Variants in LINGO2 observed in about 807,000 individuals in gnomAD.
LINGO2 encodes the protein leucine-rich repeat and immunoglobulin-like domain-containing nogo receptor-interacting protein 2.
Under a neutral mutation model 30.6 loss-of-function variants are expected in LINGO2, and 14 were observed. That is an observed-to-expected ratio of 0.46 (90% CI 0.30 to 0.72). The LOEUF is 0.72. LINGO2 is among the 30% of genes least tolerant of loss of function. The probability of loss-of-function intolerance (pLI) is 0.07; values close to 1 mark genes in which losing one functional copy is unlikely to be tolerated. For missense variants in LINGO2, 729 were observed against 751.7 expected (o/e 0.97, Z 0.35); for synonymous variants, 317 against 288.5 (o/e 1.10, Z -1.00).
At chr9:28,634,326 G>T (rs1827147629) in intron 1 of LINGO2, among the ~76,000 whole-genome samples, 1 of 151,894 alleles carries the variant, frequency 6.6e-6, no homozygotes, top group South Asian at 2.1e-4. Flanking sequence ...ACTATAAGTT[G>T]CATAAGTTCT....
chr9:29,125,178 CAT>C, the LINGO2 span, among the ~76,000 whole-genome samples: 1 of 152,116 alleles, frequency 6.6e-6, no homozygotes, highest in African/African-American at 2.4e-5. Flanking sequence ...CCAAACACCA[CAT>C]GTTCTCACTC....
At chr9:28,702,176 G>A in the LINGO2 span, among the ~76,000 whole-genome samples, 17 of 151,884 alleles carry the variant, frequency 1.1e-4, no homozygotes, top group Admixed American at 1.1e-3. Flanking sequence ...GGAGCAGTGA[G>A]TGGGAATATC....
the LINGO2 span, among the ~76,000 whole-genome samples, chr9:29,011,373 G>C: frequency 6.8e-6 from 1 of 146,882 alleles, no homozygotes; most frequent in South Asian, 2.2e-4. Flanking sequence ...ATTCACCACT[G>C]TTCCCAGGGG....
At chr9:27,938,798 TATG>T in the LINGO2 span, 1 of 152,216 alleles carries the variant, frequency 6.6e-6, no homozygotes, top group Non-Finnish European at 1.5e-5. Context: ...GCTCGATTAC[TATG>T]ATAATGGATA....
At chr9:28,401,937 T>C (rs1822284892) in intron 2 of LINGO2, among the ~76,000 whole-genome samples, 1 of 152,248 alleles carries the variant, frequency 6.6e-6, no homozygotes, top group African/African-American at 2.4e-5. Context: ...ATATCTTCTT[T>C]TGTGAGGTGT....
chr9:28,233,029 A>ATTATAT (rs1394288947), intron 4 of LINGO2, among the ~76,000 whole-genome samples: 1 of 50,852 alleles, frequency 2.0e-5, no homozygotes, highest in Non-Finnish European at 3.3e-5. Flanking sequence ...GACAGTAAAC[A>ATTATAT]TTATATATAT....
chr9:28,584,281 T>C (rs919748857), intron 1 of LINGO2, among the ~76,000 whole-genome samples: 4 of 152,112 alleles, frequency 2.6e-5, no homozygotes, highest in African/African-American at 9.6e-5. Flanking sequence ...TTCAGTATTG[T>C]TCAATTCTTT....
the LINGO2 span, among the ~76,000 whole-genome samples, chr9:28,789,566 G>GT: frequency 1.3e-5 from 2 of 152,082 alleles, no homozygotes; most frequent in Admixed American, 6.5e-5. Context: ...ATGGGTACCT[G>GT]TTGCTAGTCA....
At chr9:29,211,789 C>A in the LINGO2 span, among the ~76,000 whole-genome samples, 4 of 152,110 alleles carry the variant, frequency 2.6e-5, no homozygotes, top group Admixed American at 2.0e-4. Context: ...CGGCTCAAAG[C>A]GGGCACAGCA....
At chr9:28,530,474 C>T (rs764673363) in intron 1 of LINGO2, among the ~76,000 whole-genome samples, 7 of 152,034 alleles carry the variant, frequency 4.6e-5, no homozygotes, top group Non-Finnish European at 1.0e-4. Flanking sequence ...TGCTAATTTG[C>T]CCATTTCCTC....
intron 4 of LINGO2, among the ~76,000 whole-genome samples, chr9:28,052,681 T>G (rs1384298394): frequency 1.3e-5 from 2 of 152,092 alleles, no homozygotes; most frequent in South Asian, 4.1e-4. Context: ...ATTCCTAAGC[T>G]TTCTGGCAGT....
chr9:28,040,664 C>T (rs900720122), intron 4 of LINGO2, among the ~76,000 whole-genome samples: 1 of 152,076 alleles, frequency 6.6e-6, no homozygotes, highest in Non-Finnish European at 1.5e-5. Context: ...TACCTAATAG[C>T]TGCTTTGCCT....
At chr9:29,170,582 T>A in the LINGO2 span, among the ~76,000 whole-genome samples, 1 of 151,950 alleles carries the variant, frequency 6.6e-6, no homozygotes, top group Non-Finnish European at 1.5e-5. Flanking sequence ...ATCCCCTATA[T>A]CTATAAAAAT....
the LINGO2 span, among the ~76,000 whole-genome samples, chr9:28,806,275 A>T: frequency 1.3e-5 from 2 of 152,228 alleles, no homozygotes; most frequent in African/African-American, 4.8e-5. Flanking sequence ...GGCAGCATTT[A>T]AAAATAAACC....
intron 4 of LINGO2, among the ~76,000 whole-genome samples, chr9:28,196,953 G>A (rs567435238): frequency 1.1e-4 from 16 of 152,048 alleles, no homozygotes; most frequent in African/African-American, 3.9e-4. Context: ...CAAAACTACA[G>A]TCAGAAGGAA....
At chr9:29,124,237 A>G in the LINGO2 span, among the ~76,000 whole-genome samples, 1 of 151,990 alleles carries the variant, frequency 6.6e-6, no homozygotes, top group African/African-American at 2.4e-5. Context: ...GACCCCTTCT[A>G]TTACACCTTA....
intron 4 of LINGO2, among the ~76,000 whole-genome samples, chr9:28,176,903 T>C (rs1047998133): frequency 4.6e-5 from 7 of 152,182 alleles, no homozygotes; most frequent in African/African-American, 1.7e-4. Context: ...TTTTCAATCT[T>C]TCCTGACAAC....
chr9:28,062,351 A>G (rs945495432), intron 4 of LINGO2, among the ~76,000 whole-genome samples: 3 of 151,332 alleles, frequency 2.0e-5, no homozygotes, highest in African/African-American at 7.3e-5. Context: ...ATCAATGTCT[A>G]TCCAATATCA....
chr9:28,516,829 C>T (rs1420164682), intron 1 of LINGO2, among the ~76,000 whole-genome samples: 1 of 152,134 alleles, frequency 6.6e-6, no homozygotes, highest in East Asian at 1.9e-4. Flanking sequence ...TTCATAGATA[C>T]ACTCTTCCTG....
Sources: gnomAD v4.1 joint callset for allele counts (sites outside exome capture counted in the v4.1 genomes callset) on GRCh38, gnomAD v4.1.1 for gene constraint, MANE v1.5 for transcripts, NCBI Gene and HGNC (gene_info 2026-07-23, HGNC 2026-07-21) for gene names.